RBMS3: variants seen among roughly 807,000 people sequenced by gnomAD.
RBMS3 encodes the protein RNA binding motif single stranded interacting protein 3, also known as RNA-binding motif, single-stranded-interacting protein 3.
A neutral mutation model predicts 66.8 loss-of-function variants in RBMS3; 27 were observed. The observed-to-expected ratio is 0.40, with a 90% CI of 0.30 to 0.56. RBMS3 has a LOEUF of 0.56. Among genes scored for constraint, RBMS3 ranks in the 20% least tolerant of loss-of-function variants. The pLI, the probability that RBMS3 is intolerant of heterozygous loss-of-function variation, is 0.40. For missense variants in RBMS3, 513 were observed against 549.5 expected (o/e 0.93, Z 0.66); for synonymous variants, 188 against 183.0 (o/e 1.03, Z -0.22).
chr3:29,854,056 G>C (rs1445446350), intron 6 of RBMS3, among the ~76,000 whole-genome samples: 1 of 152,142 alleles, frequency 6.6e-6, no homozygotes, highest in African/African-American at 2.4e-5. Context: ...AAAAAGTCGT[G>C]AGAACAAAGC....
chr3:29,557,223 T>C (rs2046397052), intron 3 of RBMS3, among the ~76,000 whole-genome samples: 1 of 152,226 alleles, frequency 6.6e-6, no homozygotes, highest in South Asian at 2.1e-4. Flanking sequence ...TTTTAAGCTG[T>C]GTAAATATAC....
intron 10 of RBMS3, among the ~76,000 whole-genome samples, chr3:29,931,307 A>G (rs2061116978): frequency 6.6e-6 from 1 of 152,196 alleles, no homozygotes; most frequent in African/African-American, 2.4e-5. Flanking sequence ...ACAAGTAGAC[A>G]ATAATAAAGG....
At chr3:29,652,142 A>C (rs1168716331) in intron 4 of RBMS3, among the ~76,000 whole-genome samples, 2 of 152,144 alleles carry the variant, frequency 1.3e-5, no homozygotes, top group African/African-American at 2.4e-5. Context: ...GAAATGTAGA[A>C]ATTTCAACGT....
At chr3:29,620,707 GA>G (rs201466662) in intron 4 of RBMS3, among the ~76,000 whole-genome samples, 3 of 150,612 alleles carry the variant, frequency 2.0e-5, no homozygotes, top group African/African-American at 4.9e-5. Flanking sequence ...CACTTACAGA[GA>G]AAAAAAAATG....
chr3:29,640,859 C>G (rs1559530115), intron 4 of RBMS3, among the ~76,000 whole-genome samples: 1 of 151,914 alleles, frequency 6.6e-6, no homozygotes, highest in African/African-American at 2.4e-5. Context: ...CTGTGTGACC[C>G]TGGGTAAGTT....
At chr3:29,640,484 G>T (rs1247095110) in intron 4 of RBMS3, among the ~76,000 whole-genome samples, 1 of 136,414 alleles carries the variant, frequency 7.3e-6, no homozygotes, top group African/African-American at 2.8e-5. Context: ...AATTCTATAG[G>T]ACCAAGAGCT....
intron 14 of RBMS3, among the ~76,000 whole-genome samples, chr3:29,992,729 G>C (rs751839279): frequency 1.7e-4 from 26 of 152,102 alleles, no homozygotes; most frequent in Non-Finnish European, 3.5e-4. Flanking sequence ...CAGTGAGTGG[G>C]GAATTACTGC....
chr3:29,837,932 G>A (rs577870241), intron 6 of RBMS3, among the ~76,000 whole-genome samples: 5 of 151,074 alleles, frequency 3.3e-5, no homozygotes, highest in East Asian at 3.9e-4. Flanking sequence ...GAAAGGTGTC[G>A]AATTGTCATT....
intron 10 of RBMS3, among the ~76,000 whole-genome samples, chr3:29,911,377 G>A (rs1307198247): frequency 1.3e-5 from 2 of 152,046 alleles, no homozygotes; most frequent in South Asian, 2.1e-4. Flanking sequence ...CCCTTCAACA[G>A]TTCTGCCACA....
intron 6 of RBMS3, among the ~76,000 whole-genome samples, chr3:29,773,084 T>A (rs1215653613): frequency 6.6e-6 from 1 of 152,026 alleles, no homozygotes; most frequent in African/African-American, 2.4e-5. Context: ...TTTCAATAAT[T>A]CCTATTCTTG....
intron 4 of RBMS3, chr3:29,698,089 G>A (rs2052363837): frequency 4.0e-6 from 2 of 499,626 alleles, no homozygotes. Context: ...CATACTTGGT[G>A]CTTCATTTTA....
At chr3:29,293,808 T>C (rs1346898502) in intron 1 of RBMS3, among the ~76,000 whole-genome samples, 1 of 151,458 alleles carries the variant, frequency 6.6e-6, no homozygotes, top group East Asian at 2.0e-4. Context: ...GGATTTGCCT[T>C]CTTTGTCTCT....
chr3:29,676,839 G>A (rs982392032), intron 4 of RBMS3, among the ~76,000 whole-genome samples: 4 of 152,074 alleles, frequency 2.6e-5, no homozygotes, highest in African/African-American at 4.8e-5. Flanking sequence ...TTGCAGCATA[G>A]TTTTGTTTTG....
intron 1 of RBMS3, among the ~76,000 whole-genome samples, chr3:29,428,104 C>T (rs532146163): frequency 1.7e-4 from 26 of 151,976 alleles, no homozygotes; most frequent in Non-Finnish European, 3.1e-4. Context: ...GTTTTGTTTA[C>T]GGTTTTTTTA....
At chr3:29,973,923 A>G (rs989372706) in intron 12 of RBMS3, among the ~76,000 whole-genome samples, 18 of 151,606 alleles carry the variant, frequency 1.2e-4, no homozygotes, top group African/African-American at 3.9e-4. Context: ...TCTCACATCC[A>G]TCTCTAACTT....
At chr3:29,391,045 C>A in intron 1 of RBMS3, 1 of 389,166 alleles carries the variant, frequency 2.6e-6, no homozygotes, top group South Asian at 2.2e-5. Flanking sequence ...GGTGGAGGCC[C>A]TTTGTGCTGA....
chr3:29,952,374 A>C (rs1695740995), intron 12 of RBMS3, among the ~76,000 whole-genome samples: 2 of 151,886 alleles, frequency 1.3e-5, no homozygotes, highest in Non-Finnish European at 2.9e-5. Context: ...TTTCGTATTG[A>C]AATCACATTT....
intron 4 of RBMS3, among the ~76,000 whole-genome samples, chr3:29,717,752 A>G (rs1275116956): frequency 6.6e-6 from 1 of 152,162 alleles, no homozygotes; most frequent in Non-Finnish European, 1.5e-5. Context: ...CAGTGATTCT[A>G]GTATAAACTT....
At chr3:29,340,755 C>T (rs1054469847) in intron 1 of RBMS3, among the ~76,000 whole-genome samples, 2 of 152,100 alleles carry the variant, frequency 1.3e-5, no homozygotes, top group Non-Finnish European at 2.9e-5. Flanking sequence ...CTATGTGCTT[C>T]GCTTTTTCAG....
Sources: allele counts gnomAD v4.1 joint callset (sites outside exome capture counted in the v4.1 genomes callset), GRCh38; gene constraint gnomAD v4.1.1; transcripts MANE v1.5; gene names NCBI Gene and HGNC (gene_info 2026-07-23, HGNC 2026-07-21).